ARMH3: variants seen among roughly 807,000 people sequenced by gnomAD.
ARMH3 encodes armadillo like helical domain containing 3.
A neutral mutation model predicts 99.1 loss-of-function variants in ARMH3; 60 were observed. That is an observed-to-expected ratio of 0.61 (90% CI 0.49 to 0.75). The LOEUF (loss-of-function observed/expected upper bound fraction) is 0.75. Among genes scored for constraint, ARMH3 ranks in the 30% least tolerant of loss-of-function variants. ARMH3 has a pLI of 0.00. For missense variants in ARMH3, 679 were observed against 843.1 expected, an observed-to-expected ratio of 0.81 and a Z score of 2.41; for synonymous variants, 285 against 292.8, an observed-to-expected ratio of 0.97 and a Z score of 0.27.
chr10:102,041,090 A>ATAAT (rs1554897209), intron 1 of ARMH3, among the ~76,000 whole-genome samples: 1,686 of 132,562 alleles, frequency 0.013, 17 homozygotes, highest in South Asian at 0.038. Flanking sequence ...ATATATATAT[A>ATAAT]ATATATATAT....
chr10:101,901,164 G>A (rs530526656), intron 23 of ARMH3, among the ~76,000 whole-genome samples: 108 of 149,880 alleles, frequency 7.2e-4, no homozygotes, highest in African/African-American at 2.6e-3. Flanking sequence ...AAAGGAGGAA[G>A]AAACCTGTCA....
At chr10:101,851,746 G>C (rs1052052373) in intron 24 of ARMH3, among the ~76,000 whole-genome samples, 1 of 152,206 alleles carries the variant, frequency 6.6e-6, no homozygotes, top group African/African-American at 2.4e-5. Flanking sequence ...GGGAGGGAAG[G>C]AACAGCTAGG....
chr10:101,927,054 ATC>A (rs2135640636), intron 23 of ARMH3, among the ~76,000 whole-genome samples: 1 of 152,174 alleles, frequency 6.6e-6, no homozygotes, highest in Non-Finnish European at 1.5e-5. Context: ...CCCCCTCTCA[ATC>A]TCTCTCTTCC....
intron 24 of ARMH3, among the ~76,000 whole-genome samples, chr10:101,877,005 C>T (rs901894284): frequency 1.3e-5 from 2 of 151,766 alleles, no homozygotes; most frequent in African/African-American, 4.8e-5. Context: ...CCCAGGAGTA[C>T]AAGACCAACC....
intron 16 of ARMH3, among the ~76,000 whole-genome samples, chr10:101,993,805 T>C (rs986118432): frequency 6.6e-6 from 1 of 152,186 alleles, no homozygotes; most frequent in Non-Finnish European, 1.5e-5. Flanking sequence ...AGTGTATCTC[T>C]AACTGGTCAA....
chr10:102,043,590 A>G (rs1450702624), intron 1 of ARMH3, among the ~76,000 whole-genome samples: 1 of 152,232 alleles, frequency 6.6e-6, no homozygotes, highest in Non-Finnish European at 1.5e-5. Flanking sequence ...AAAGGAGAGA[A>G]AGAAACATTC....
At chr10:101,960,362 A>C (rs1033871797) in intron 20 of ARMH3, among the ~76,000 whole-genome samples, 1 of 152,202 alleles carries the variant, frequency 6.6e-6, no homozygotes, top group African/African-American at 2.4e-5. Flanking sequence ...CCTATACACC[A>C]CTACACACAG....
At position 102,043,905 on chromosome 10, in the gene ARMH3, T is replaced by C. The variant is rs539769735; in HGVS notation, c.-11-3780A>G. On this transcript the variant is annotated intron_variant, in intron 1 of 25. Coordinates refer to ENST00000370033, the MANE Select transcript of ARMH3 (RefSeq NM_024541.3). ...GCTGCTGTCACTTCTCTCTGGAAGA[T>C]ACAAGTTATACAACTTTTTTTTGTT... Among the ~76,000 whole-genome samples, 30 of 152,254 alleles carry C rather than the reference T, an allele frequency of 2.0e-4. 1 individual carries two copies. The South Asian group carries it at 4.3e-3, about 22-fold the overall frequency.
chr10:102,000,992 T>C (rs888476315), intron 15 of ARMH3, among the ~76,000 whole-genome samples: 2 of 152,056 alleles, frequency 1.3e-5, no homozygotes, highest in East Asian at 1.9e-4. Context: ...AATTTTTGTA[T>C]TTTTAGTACA....
intron 22 of ARMH3, among the ~76,000 whole-genome samples, chr10:101,945,936 A>G (rs1319925179): frequency 6.6e-6 from 1 of 151,714 alleles, no homozygotes; most frequent in Non-Finnish European, 1.5e-5. Context: ...ACAAAAAATT[A>G]GCCAGGCATG....
intron 23 of ARMH3, among the ~76,000 whole-genome samples, chr10:101,937,743 AT>A (rs1844052811): frequency 1.3e-5 from 2 of 152,278 alleles, no homozygotes; most frequent in South Asian, 4.1e-4. Flanking sequence ...ATAAGTGAGA[AT>A]AGATGTCAGA....
intron 22 of ARMH3, among the ~76,000 whole-genome samples, chr10:101,954,310 T>C (rs1443684682): frequency 6.6e-6 from 1 of 152,178 alleles, no homozygotes; most frequent in Non-Finnish European, 1.5e-5. Flanking sequence ...ACCTGATAAA[T>C]GGATAAACTA....
intron 22 of ARMH3, among the ~76,000 whole-genome samples, chr10:101,941,608 T>A (rs1437581708): frequency 1.3e-5 from 2 of 152,174 alleles, no homozygotes; most frequent in African/African-American, 4.8e-5. Context: ...TATAAATTCA[T>A]GCAATTTAAT....
At chr10:102,034,433 G>A (rs372051354) in intron 2 of ARMH3, among the ~76,000 whole-genome samples, 17 of 151,560 alleles carry the variant, frequency 1.1e-4, no homozygotes, top group African/African-American at 3.9e-4. Context: ...TCAGGAGATC[G>A]AGACCATCCT....
intron 25 of ARMH3, among the ~76,000 whole-genome samples, chr10:101,847,827 A>G (rs1447968464): frequency 6.6e-6 from 1 of 152,212 alleles, no homozygotes; most frequent in African/African-American, 2.4e-5. Context: ...AGGGGTGGAC[A>G]GGAACAAACT....
At chr10:101,930,004 T>C (rs1236869434) in intron 23 of ARMH3, among the ~76,000 whole-genome samples, 1 of 152,176 alleles carries the variant, frequency 6.6e-6, no homozygotes, top group Non-Finnish European at 1.5e-5. Context: ...TTAAACATCA[T>C]GTTGGTACTC....
intron 20 of ARMH3, among the ~76,000 whole-genome samples, chr10:101,970,049 TA>T (rs1564806073): frequency 2.6e-5 from 4 of 152,214 alleles, no homozygotes; most frequent in Non-Finnish European, 5.9e-5. Context: ...TCATACTATT[TA>T]AATGCAGCCT....
intron 1 of ARMH3, among the ~76,000 whole-genome samples, chr10:102,050,624 G>A (rs912874096): frequency 1.2e-4 from 19 of 152,118 alleles, no homozygotes; most frequent in African/African-American, 3.9e-4. Flanking sequence ...CTTGGAGGCC[G>A]AGGCAGGTGG....
intron 25 of ARMH3, among the ~76,000 whole-genome samples, chr10:101,848,125 A>G (rs2066503362): frequency 6.6e-6 from 1 of 152,210 alleles, no homozygotes; most frequent in South Asian, 2.1e-4. Context: ...ACAGATGGCA[A>G]GAGTAGGATC....
Sources: allele counts gnomAD v4.1 joint callset (sites outside exome capture counted in the v4.1 genomes callset), GRCh38; gene constraint gnomAD v4.1.1; transcripts MANE v1.5; gene names NCBI Gene and HGNC (gene_info 2026-07-23, HGNC 2026-07-21).